Variants in PAK1 observed in about 807,000 individuals in gnomAD.
PAK1 encodes p21 (RAC1) activated kinase 1.
PAK1 carries 29 observed loss-of-function variants against 67.4 expected under a neutral mutation model. The ratio of observed to expected loss-of-function variants is 0.43; its 90% CI spans 0.32 to 0.59. The LOEUF is 0.59. Among genes scored for constraint, PAK1 ranks in the 20% least tolerant of loss-of-function variants. The pLI is 0.07. For synonymous variants in PAK1, 223 were observed against 237.4 expected (o/e 0.94, Z 0.56); for missense variants, 337 against 670.7 (o/e 0.50, Z 5.50).
At chr11:77,463,375 A>T (rs1050388013) in intron 1 of PAK1, among the ~76,000 whole-genome samples, 8 of 152,170 alleles carry the variant, frequency 5.3e-5, no homozygotes, top group Admixed American at 2.0e-4. Flanking sequence ...TTTAAAAAAA[A>T]TTTTTAACGT....
rs1396686625 is a variant in PAK1, at chr11:77,392,421, G to A, written c.100C>T (p.Leu34=). ...GGCAGAGGTTTAGAACCATGGTTTA[G>A]GGTTCCAGCATCTTTGCTGCCGGCT... ...IGAGSKDAGT[L]NHGSKPLPPN... The change falls in exon 2 of 15, where the codon CTA becomes TTA. Residue 34 remains leucine (L), a synonymous_variant. Transcript: ENST00000356341. The A allele has an allele frequency of 6.2e-7, 1 of 1,613,818 alleles. No homozygotes were observed.
chr11:77,511,322 A>G, the PAK1 span, among the ~76,000 whole-genome samples: 1 of 152,170 alleles, frequency 6.6e-6, no homozygotes, highest in Admixed American at 6.5e-5. Flanking sequence ...ATTTGTCTCT[A>G]AGATCTATCA....
chr11:77,516,759 T>C, the PAK1 span, among the ~76,000 whole-genome samples: 1 of 150,902 alleles, frequency 6.6e-6, no homozygotes, highest in Non-Finnish European at 1.5e-5. Flanking sequence ...ACCTTAGCCC[T>C]TGAGAGGCTG....
the PAK1 span, among the ~76,000 whole-genome samples, chr11:77,502,583 T>C: frequency 6.6e-6 from 1 of 152,184 alleles, no homozygotes; most frequent in Non-Finnish European, 1.5e-5. Flanking sequence ...GTGTCAGTCT[T>C]CTCTAACCCC....
intron 2 of PAK1, 145 bp from the exon 3 acceptor site, chr11:77,380,139 G>A (rs535960811): frequency 8.2e-5 from 51 of 620,396 alleles, no homozygotes; most frequent in Non-Finnish European, 1.3e-4. Flanking sequence ...GCTCAGTTAC[G>A]GATCTGGATT....
At chr11:77,451,757 C>T (rs1460948239) in intron 1 of PAK1, among the ~76,000 whole-genome samples, 2 of 150,828 alleles carry the variant, frequency 1.3e-5, no homozygotes, top group South Asian at 4.2e-4. Context: ...CACCACCACG[C>T]CCGGCTAATT....
At chr11:77,483,475 A>G in the PAK1 span, among the ~76,000 whole-genome samples, 2 of 152,230 alleles carry the variant, frequency 1.3e-5, no homozygotes, top group African/African-American at 4.8e-5. Flanking sequence ...GAATGATTCC[A>G]TTTACATGAA....
the PAK1 span, among the ~76,000 whole-genome samples, chr11:77,481,746 A>C: frequency 6.6e-6 from 1 of 151,172 alleles, no homozygotes; most frequent in Non-Finnish European, 1.5e-5. Flanking sequence ...ATGCAATGAT[A>C]GTTTTTGGAT....
chr11:77,392,526 C>T lies in PAK1; in HGVS notation c.-6G>A, dbSNP rs1253693451. On this transcript the variant is annotated 5_prime_UTR_variant, in exon 2 of 15. The change creates a new upstream start codon in the 5' untranslated region. Transcript: ENST00000356341. ...TCTAGGCCGTTATTTGACATTGTCA[C>T]CACCAGCAGCAGCTACTAGAATCAG... 7 of 1,584,154 alleles carry T rather than the reference C, an allele frequency of 4.4e-6. No individual in the cohort carries two copies. The highest frequency in any genetic ancestry group is 6.0e-6 in the Non-Finnish European group (7 of 1,160,082).
At chr11:77,381,168 TGTGTGTGTAGAG>T (rs1949771706) in intron 2 of PAK1, among the ~76,000 whole-genome samples, 1 of 141,190 alleles carries the variant, frequency 7.1e-6, no homozygotes, top group African/African-American at 2.6e-5. Context: ...TGTGTGTGTG[TGTGTGTGTAGAG>T]AGAGAGAGAG....
the PAK1 span, among the ~76,000 whole-genome samples, chr11:77,486,415 C>T: frequency 2.0e-5 from 3 of 152,100 alleles, no homozygotes; most frequent in Non-Finnish European, 2.9e-5. Flanking sequence ...TTGTCCTCCC[C>T]ACAGGAACAC....
At chr11:77,360,569 C>A (rs1946643172) in intron 5 of PAK1, among the ~76,000 whole-genome samples, 1 of 152,148 alleles carries the variant, frequency 6.6e-6, no homozygotes, top group Admixed American at 6.5e-5. Flanking sequence ...TCAGGTAGCC[C>A]TGGAGCTCCC....
intron 1 of PAK1, among the ~76,000 whole-genome samples, chr11:77,422,882 A>AT (rs1955344616): frequency 6.6e-6 from 1 of 152,158 alleles, no homozygotes; most frequent in Non-Finnish European, 1.5e-5. Context: ...CCTTGAGGTC[A>AT]TAAGTACAAG....
intron 1 of PAK1, among the ~76,000 whole-genome samples, chr11:77,430,215 G>GA (rs532592760): frequency 2.2e-4 from 32 of 147,274 alleles, no homozygotes; most frequent in South Asian, 4.3e-4. Context: ...GGGGGTTATA[G>GA]AAAAAAAAAA....
At chr11:77,409,805 G>A (rs961618517) in intron 1 of PAK1, among the ~76,000 whole-genome samples, 1 of 151,964 alleles carries the variant, frequency 6.6e-6, no homozygotes, top group African/African-American at 2.4e-5. Context: ...TGAGGAGGAT[G>A]AAGGGGGAAA....
At chr11:77,452,807 A>C (rs1956916059) in intron 1 of PAK1, among the ~76,000 whole-genome samples, 1 of 152,190 alleles carries the variant, frequency 6.6e-6, no homozygotes, top group African/African-American at 2.4e-5. Flanking sequence ...AGTAGGAGTA[A>C]AGAGTGTGTT....
intron 4 of PAK1, among the ~76,000 whole-genome samples, chr11:77,376,307 G>C (rs1949079441): frequency 6.6e-6 from 1 of 152,162 alleles, no homozygotes; most frequent in African/African-American, 2.4e-5. Context: ...TCATTTTACA[G>C]ATGAGCAAAA....
At chr11:77,429,598 G>C (rs562834124) in intron 1 of PAK1, among the ~76,000 whole-genome samples, 3 of 152,276 alleles carry the variant, frequency 2.0e-5, no homozygotes, top group African/African-American at 7.2e-5. Flanking sequence ...CGTAAGACTG[G>C]TGATGACATT....
intron 11 of PAK1, among the ~76,000 whole-genome samples, chr11:77,338,792 T>G (rs1385689196): frequency 6.6e-6 from 1 of 152,154 alleles, no homozygotes; most frequent in African/African-American, 2.4e-5. Context: ...CTTTGAAACA[T>G]AATGCTAGCT....
Sources: gnomAD v4.1 joint callset for allele counts (sites outside exome capture counted in the v4.1 genomes callset) on GRCh38, gnomAD v4.1.1 for gene constraint, MANE v1.5 for transcripts, NCBI Gene and HGNC (gene_info 2026-07-23, HGNC 2026-07-21) for gene names.